SUPT3H: variants seen among roughly 807,000 people sequenced by gnomAD.
SUPT3H encodes transcription initiation protein SPT3 homolog.
In SUPT3H, 44 loss-of-function variants were observed where a neutral mutation model predicts 44.3. The ratio of observed to expected loss-of-function variants is 0.99; its 90% CI spans 0.78 to 1.28. The LOEUF is 1.28. Ranked by LOEUF, SUPT3H falls within the 50% of genes most tolerant of loss-of-function variation. The pLI is 0.00. For synonymous variants in SUPT3H, 124 were observed against 125.6 expected (o/e 0.99, Z 0.09); for missense variants, 380 against 387.1 (o/e 0.98, Z 0.15).
At chr6:45,343,844 G>A (rs769732642) in intron 2 of SUPT3H, among the ~76,000 whole-genome samples, 28 of 152,100 alleles carry the variant, frequency 1.8e-4, no homozygotes, top group Non-Finnish European at 3.5e-4. Context: ...TCACCTTCTA[G>A]GTGCTTAAAA....
At chr6:45,310,180 C>A (rs2149983339) in intron 2 of SUPT3H, among the ~76,000 whole-genome samples, 1 of 152,274 alleles carries the variant, frequency 6.6e-6, no homozygotes, top group Non-Finnish European at 1.5e-5. Context: ...TCCCTGACAA[C>A]CTGCATGACT....
At position 45,209,782 on chromosome 6, in the gene SUPT3H, A is replaced by G. The variant is rs1041869129; in HGVS notation, c.102-103776T>C. ...GTTCTGCTGTGGGTAAAATGCTATTAAAGAGCATCATGTGCTATAGAGAAA... is the reference window on the plus strand; with the variant it reads ...GTTCTGCTGTGGGTAAAATGCTATTGAAGAGCATCATGTGCTATAGAGAAA... On this transcript the variant is annotated intron_variant, in intron 2 of 10. Transcript: ENST00000371459. Among the ~76,000 whole-genome samples the G allele has an allele frequency of 7.9e-5, 12 of 152,228 alleles. 1 individual carries two copies. Among genetic ancestry groups the G allele is most frequent in the African/African-American group, 2.7e-4 (11 of 41,464 alleles).
chr6:45,145,372 G>C (rs983873194), intron 2 of SUPT3H, among the ~76,000 whole-genome samples: 1 of 151,912 alleles, frequency 6.6e-6, no homozygotes, highest in South Asian at 2.1e-4. Flanking sequence ...CAAATATTTA[G>C]AGCCAACTGA....
chr6:45,060,527 G>A (rs939916435), intron 3 of SUPT3H, among the ~76,000 whole-genome samples: 33 of 151,700 alleles, frequency 2.2e-4, no homozygotes, highest in African/African-American at 8.0e-4. Flanking sequence ...CTGGACACAG[G>A]CATGGGCAAA....
intron 2 of SUPT3H, among the ~76,000 whole-genome samples, chr6:45,243,628 C>A (rs900035844): frequency 4.6e-5 from 7 of 151,992 alleles, no homozygotes; most frequent in African/African-American, 1.7e-4. Context: ...TACTTTATGC[C>A]AATAAATTCA....
chr6:44,997,090 G>C (rs189608023), intron 6 of SUPT3H, among the ~76,000 whole-genome samples: 1 of 151,660 alleles, frequency 6.6e-6, no homozygotes, highest in Non-Finnish European at 1.5e-5. Context: ...AGTAATTGTG[G>C]TTTTGCCATT....
intron 2 of SUPT3H, among the ~76,000 whole-genome samples, chr6:45,260,881 C>A (rs1041845575): frequency 3.3e-5 from 5 of 152,064 alleles, no homozygotes; most frequent in Non-Finnish European, 7.4e-5. Flanking sequence ...AGACGAAAAT[C>A]ACTGAAAGAC....
chr6:44,820,450 AT>A (rs1229316963), intron 11 of SUPT3H, among the ~76,000 whole-genome samples: 1 of 152,208 alleles, frequency 6.6e-6, no homozygotes, highest in Non-Finnish European at 1.5e-5. Flanking sequence ...ATGTTGAGAT[AT>A]GAAGATGACG....
intron 10 of SUPT3H, among the ~76,000 whole-genome samples, chr6:44,830,643 C>A (rs764822008): frequency 6.6e-6 from 1 of 152,054 alleles, no homozygotes; most frequent in African/African-American, 2.4e-5. Flanking sequence ...ACCATAAGAC[C>A]CAGAGGGGAG....
intron 2 of SUPT3H, among the ~76,000 whole-genome samples, chr6:45,150,470 G>C (rs1806747847): frequency 1.3e-5 from 2 of 152,028 alleles, no homozygotes; most frequent in African/African-American, 4.8e-5. Context: ...CAGCTGAGTA[G>C]AGAGACAACA....
intron 2 of SUPT3H, among the ~76,000 whole-genome samples, chr6:45,312,625 A>G (rs1024055052): frequency 6.8e-6 from 1 of 147,630 alleles, no homozygotes; most frequent in Admixed American, 6.8e-5. Flanking sequence ...GAGCTCCCAA[A>G]TTTATAAAAC....
rs1000693460 is a variant in SUPT3H at position 45,259,705 on chromosome 6, C to T, written c.101+105496G>A. ...GCATAGGAACCACCTCTTTTCTAAT[C>T]AAGCCATGTAAAAACTAGTAACTCT... On this transcript the variant is annotated intron_variant, in intron 2 of 10. Transcript: ENST00000371459. Among the ~76,000 whole-genome samples, 5 of 152,018 alleles carry T rather than the reference C, an allele frequency of 3.3e-5. No individual in the cohort carries two copies. The South Asian group carries it at 6.2e-4, about 19-fold the overall frequency.
At position 44,985,205 on chromosome 6, in the gene SUPT3H, AAATAAAT is replaced by A. The variant is rs1209802270; in HGVS notation, c.504+18441_504+18447del. Among the ~76,000 whole-genome samples the A allele has an allele frequency of 4.7e-3, 123 of 26,402 alleles. 1 individual carries two copies. The highest frequency in any genetic ancestry group is 0.014 in the African/African-American group (105 of 7,492). 17.3% of individuals were successfully genotyped at this position (26,402 alleles called of 152,430 possible). On this transcript the variant is annotated intron_variant, in intron 6 of 10. Transcript: ENST00000371459. ...TAAATAAATAAATAAATAAATAAAT[AAATAAAT>A]AAATAAAATAAAATAAAATAAAATA...
At chr6:44,905,406 G>GAA (rs879896583) in intron 10 of SUPT3H, among the ~76,000 whole-genome samples, 78,625 of 148,298 alleles carry the variant, frequency 0.53, 20,949 homozygotes, top group East Asian at 0.69. Context: ...GCAGCCGAAA[G>GAA]ACACATGAAA....
At chr6:44,972,021 A>G (rs1361266092) in intron 6 of SUPT3H, among the ~76,000 whole-genome samples, 1 of 150,942 alleles carries the variant, frequency 6.6e-6, no homozygotes, top group Admixed American at 6.6e-5. Context: ...TGATCTGTCC[A>G]CCTCGGCCTC....
chr6:44,967,929 A>G (rs1776996380), intron 6 of SUPT3H, among the ~76,000 whole-genome samples: 1 of 152,030 alleles, frequency 6.6e-6, no homozygotes. Flanking sequence ...AGCTGGGACT[A>G]CAGGTGTGTG....
At chr6:45,241,081 GTTAT>G (rs1222461776) in intron 2 of SUPT3H, among the ~76,000 whole-genome samples, 3 of 152,150 alleles carry the variant, frequency 2.0e-5, no homozygotes, top group South Asian at 2.1e-4. Flanking sequence ...TTTAATCTGT[GTTAT>G]TTGTCTTTGT....
At chr6:45,286,313 T>C (rs1347032051) in intron 2 of SUPT3H, among the ~76,000 whole-genome samples, 3 of 152,048 alleles carry the variant, frequency 2.0e-5, no homozygotes, top group Non-Finnish European at 2.9e-5. Context: ...ACAGGCAACC[T>C]ACAGAATGGG....
At position 44,830,609 on chromosome 6, in the gene SUPT3H, G is replaced by A. The variant is rs181253009; in HGVS notation, c.913-752C>T. 7.2e-5 allele frequency among the ~76,000 whole-genome samples: 11 copies of A among 152,188 alleles called. No individual in the cohort carries two copies. In the East Asian group the frequency reaches 1.9e-3, roughly 27 times the overall value. On this transcript the variant is annotated intron_variant, in intron 10 of 10. Coordinates refer to ENST00000371459, the MANE Select transcript of SUPT3H (RefSeq NM_003599.4). ...GTGTTGGGAGACCTGGATCACACAG[G>A]GTCTCTGTAACATCCTGAATTCCAC... is the stretch of plus-strand genomic sequence containing the variant.
Sources: gnomAD v4.1 joint callset for allele counts (sites outside exome capture counted in the v4.1 genomes callset) on GRCh38, gnomAD v4.1.1 for gene constraint, MANE v1.5 for transcripts, NCBI Gene and HGNC (gene_info 2026-07-23, HGNC 2026-07-21) for gene names.